LTBP1: variants seen among roughly 807,000 people sequenced by gnomAD.
LTBP1 encodes latent transforming growth factor beta binding protein 1.
In LTBP1, 129 loss-of-function variants were observed where a neutral mutation model predicts 207.6. That is an observed-to-expected ratio of 0.62 (90% confidence interval 0.54 to 0.72). The LOEUF is 0.72. Among genes scored for constraint, LTBP1 ranks in the 30% least tolerant of loss-of-function variants. LTBP1 has a pLI of 0.00. For missense variants in LTBP1, 2,281 were observed against 2,217.2 expected (o/e 1.03, Z -0.58); for synonymous variants, 963 against 833.7 (o/e 1.16, Z -2.67).
intron 21 of LTBP1, 150 bp from the exon 22 acceptor site, chr2:33,301,372 C>A: frequency 1.1e-6 from 1 of 876,224 alleles, no homozygotes. Context: ...AAAAAGTCTC[C>A]TGAGATAGTA....
chr2:33,291,835 A>G (rs1026925114), intron 19 of LTBP1: 1 of 152,038 alleles, frequency 6.6e-6, no homozygotes, highest in African/African-American at 2.4e-5. Flanking sequence ...TGCAATCTAG[A>G]CTCTGGGTTT....
chr2:33,182,687 G>GAGATAGATATAT (rs1469125010), intron 5 of LTBP1, among the ~76,000 whole-genome samples: 1 of 67,008 alleles, frequency 1.5e-5, no homozygotes, highest in African/African-American at 5.9e-5. Flanking sequence ...AAAAGATGGT[G>GAGATAGATATAT]ATATATATAT....
At chr2:33,291,484 A>G (rs867762446) in intron 19 of LTBP1, 10 of 152,168 alleles carry the variant, frequency 6.6e-5, no homozygotes, top group African/African-American at 1.9e-4. Flanking sequence ...GCTCATTCCC[A>G]TTATTTACTT....
chr2:33,187,935 T>C (rs1558779188), intron 6 of LTBP1, among the ~76,000 whole-genome samples: 1 of 152,190 alleles, frequency 6.6e-6, no homozygotes, highest in Non-Finnish European at 1.5e-5. Context: ...GCTTGATCTT[T>C]CTGATTAACA....
At chr2:33,008,193 A>T (rs1398036486) in intron 2 of LTBP1, among the ~76,000 whole-genome samples, 1 of 152,262 alleles carries the variant, frequency 6.6e-6, no homozygotes, top group Non-Finnish European at 1.5e-5. Flanking sequence ...CTTTTCAAAC[A>T]GATTATACAT....
Position 33,046,747 on chromosome 2 carries a change from G to A in LTBP1, c.863+25541G>A, listed in dbSNP as rs535437954. Among the ~76,000 whole-genome samples, 4 of 152,166 alleles carry A rather than the reference G, an allele frequency of 2.6e-5. No individual in the cohort carries two copies. The East Asian group carries it at 7.7e-4, about 29-fold the overall frequency. On this transcript the variant is annotated intron_variant, in intron 3 of 33. Transcript: ENST00000404816. ...GCTGTGAATCTGTCTGGTCCTGGACGTTTTTTGGTTGGTAGGCTATTAATT... is the reference window on the plus strand; with the variant it reads ...GCTGTGAATCTGTCTGGTCCTGGACATTTTTTGGTTGGTAGGCTATTAATT...
At chr2:33,028,035 G>A (rs1167559455) in intron 3 of LTBP1, among the ~76,000 whole-genome samples, 1 of 152,146 alleles carries the variant, frequency 6.6e-6, no homozygotes, top group African/African-American at 2.4e-5. Context: ...GTGAGGTGAG[G>A]TAGTGTGTTG....
chr2:32,947,340 C>G lies in LTBP1; in HGVS notation c.16C>G (p.Leu6Val). The G allele has an allele frequency of 8.0e-7, 1 of 1,245,792 alleles. No individual in the cohort carries two copies. Among genetic ancestry groups the G allele is most frequent in the African/African-American group, 1.6e-5 (1 of 63,860 alleles). The allele number at this position is 1,245,792 out of a possible 1,614,324, so 77.2% of individuals were successfully genotyped here. Residue 6 changes from leucine (L) to valine (V), a missense_variant, in exon 1 of 34, where the codon CTC becomes GTC. Leu to Val is a conservative substitution (Grantham distance 32). Around this residue, in one of 3 missense-constraint regions of LTBP1, gnomAD observed 555 missense variants for 491.0 expected, o/e 1.13. Coordinates refer to ENST00000404816, the MANE Select transcript of LTBP1 (RefSeq NM_206943.4). The stretch of plus-strand genomic sequence containing the variant: ...GGGGCCCGCGATGGCGGGGGCCTGG[C>G]TCAGGTGGGGGCTCCTGCTCTGGGC... The part of the protein sequence containing the change: MAGAW[L>V]RWGLLLWAGL...
chr2:33,241,836 A>G (rs919025908), intron 9 of LTBP1, among the ~76,000 whole-genome samples: 1 of 152,170 alleles, frequency 6.6e-6, no homozygotes, highest in East Asian at 1.9e-4. Context: ...CTGGTCCTTC[A>G]TGGTGGTTTT....
intron 5 of LTBP1, among the ~76,000 whole-genome samples, chr2:33,161,461 G>A (rs1442772357): frequency 1.3e-5 from 2 of 152,158 alleles, no homozygotes; most frequent in East Asian, 3.9e-4. Flanking sequence ...TAGAGATGGG[G>A]TTTCACCGTC....
At chr2:32,981,636 T>C (rs1337931526) in intron 2 of LTBP1, among the ~76,000 whole-genome samples, 1 of 152,212 alleles carries the variant, frequency 6.6e-6, no homozygotes, top group Non-Finnish European at 1.5e-5. Flanking sequence ...GGTTTGGCCA[T>C]GTCCCCACCC....
chr2:32,947,645 G>A lies in LTBP1; in HGVS notation c.321G>A (p.Glu107=). ...GLRPPPPPPP[E]PARPAVPGGQ... Reference sequence around the variant, plus strand: ...GACCGCCGCCGCCGCCGCCGCCGGAGCCTGCGCGTCCCGCGGTCCCCGGCG... The same window carrying A: ...GACCGCCGCCGCCGCCGCCGCCGGAACCTGCGCGTCCCGCGGTCCCCGGCG... Residue 107 remains glutamate (E), a synonymous_variant, in exon 1 of 34, where the codon GAG becomes GAA. Transcript: ENST00000404816. The A allele has an allele frequency of 7.2e-7, 1 of 1,393,442 alleles. No individual in the cohort carries two copies. Among genetic ancestry groups the A allele is most frequent in the Non-Finnish European group, 9.3e-7 (1 of 1,072,402 alleles). 86.3% of individuals were successfully genotyped at this position (1,393,442 alleles called of 1,614,324 possible). A position where few individuals can be genotyped will look rare whatever the true frequency, so the allele number is the denominator to read the frequency against.
At position 32,998,483 on chromosome 2, in the gene LTBP1, C is replaced by T. The variant is rs531993396; in HGVS notation, c.566-22426C>T. Among the ~76,000 whole-genome samples, 212 of 126,314 alleles carry T rather than the reference C, an allele frequency of 1.7e-3. 1 individual carries two copies. The highest frequency in any genetic ancestry group is 3.1e-3 in the Non-Finnish European group (195 of 63,404). 82.9% of individuals were successfully genotyped at this position (126,314 alleles called of 152,430 possible). A position where few individuals can be genotyped will look rare whatever the true frequency, so the allele number is the denominator to read the frequency against. On this transcript the variant is annotated intron_variant, in intron 2 of 33. Coordinates refer to ENST00000404816, the MANE Select transcript of LTBP1 (RefSeq NM_206943.4). Reference sequence around the variant, plus strand: ...ATGAGCCAAGATCGCCACTGCACTCCAGCCTGGCAACAGAGTGAGACTCCA... The same window carrying T: ...ATGAGCCAAGATCGCCACTGCACTCTAGCCTGGCAACAGAGTGAGACTCCA...
chr2:33,332,050 G>A (rs1034140432), intron 24 of LTBP1, among the ~76,000 whole-genome samples: 13 of 151,826 alleles, frequency 8.6e-5, no homozygotes, highest in East Asian at 1.9e-4. Context: ...AAAATAAAAC[G>A]TTGCAAGTTT....
intron 4 of LTBP1, among the ~76,000 whole-genome samples, chr2:33,132,418 A>G (rs115320213): frequency 6.6e-6 from 1 of 152,180 alleles, no homozygotes; most frequent in Non-Finnish European, 1.5e-5. Flanking sequence ...GTAAAGTTTG[A>G]TTGGAACACA....
chr2:33,246,661 C>T (rs1365234232), intron 10 of LTBP1, among the ~76,000 whole-genome samples: 2 of 152,218 alleles, frequency 1.3e-5, no homozygotes, highest in African/African-American at 4.8e-5. Flanking sequence ...GTGGCTGACT[C>T]TCTGAACTCC....
intron 3 of LTBP1, among the ~76,000 whole-genome samples, chr2:33,057,503 C>T (rs2077061095): frequency 6.6e-6 from 1 of 152,342 alleles, no homozygotes; most frequent in East Asian, 1.9e-4. Context: ...GAGGCTCAGG[C>T]CGCACAGGAG....
chr2:33,221,585 G>A (rs1046850768), intron 8 of LTBP1, among the ~76,000 whole-genome samples: 1 of 152,154 alleles, frequency 6.6e-6, no homozygotes, highest in African/African-American at 2.4e-5. Flanking sequence ...TCTCATGACT[G>A]GGATACCCGA....
At chr2:33,347,065 C>T (rs1203548753) in intron 25 of LTBP1, among the ~76,000 whole-genome samples, 2 of 147,390 alleles carry the variant, frequency 1.4e-5, no homozygotes, top group Admixed American at 6.8e-5. Context: ...TTGCAGTGAG[C>T]CGAGATCGCG....
Sources: gnomAD v4.1 joint callset for allele counts (sites outside exome capture counted in the v4.1 genomes callset) on GRCh38, gnomAD v4.1.1 for gene constraint, gnomAD v4.1.1 regional missense constraint, MANE v1.5 for transcripts, NCBI Gene and HGNC (gene_info 2026-07-23, HGNC 2026-07-21) for gene names.